Variants in PRX observed in about 807,000 individuals in gnomAD.
PRX encodes periaxin.
In PRX, 24 loss-of-function variants were observed where a neutral mutation model predicts 29.6. The observed-to-expected ratio is 0.81, with a 90% CI of 0.59 to 1.14. PRX has a LOEUF of 1.14. Among genes scored for constraint, PRX ranks in the 50% most tolerant of loss-of-function variants. The pLI is 0.00. For synonymous variants in PRX, 772 were observed against 831.7 expected (o/e 0.93, Z 1.24); for missense variants, 1,838 against 1,926.4 (o/e 0.95, Z 0.86).
Position 40,397,944 on chromosome 19 carries a change from C to A in PRX, c.408G>T (p.Lys136Asn). The change falls in exon 7 of 7, where the codon AAG becomes AAT. Residue 136 changes from lysine (K) to asparagine (N), a missense_variant. This residue lies in a region of PRX where 666 missense variants were observed against 665.0 expected (regional missense o/e 1.00). Transcript: ENST00000324001. ...GAGCCCCAGGCACCATCTTCTTCTT[C>A]TTCACAGGGGACAGACTCTGGATGT... ...KLNIQSLSPV[K>N]KKKMVPGALG... is the part of the protein sequence containing the mutation. The A allele has an allele frequency of 6.2e-7, 1 of 1,612,218 alleles. No homozygotes were observed. Among genetic ancestry groups the A allele is most frequent in the South Asian group, 1.1e-5 (1 of 90,636 alleles).
intron 4 of PRX, among the ~76,000 whole-genome samples, chr19:40,404,532 T>C (rs145046254): frequency 0.015 from 2,325 of 151,334 alleles, 126 homozygotes; most frequent in Admixed American, 0.11. Context: ...TGGCCAGAGT[T>C]TATGGGAGGT....
At position 40,394,014 on chromosome 19, in the gene PRX, C is replaced by G. The variant is rs1234580806; in HGVS notation, c.4338G>C (p.Gly1446=). 2 of 1,613,554 alleles carry G rather than the reference C, an allele frequency of 1.2e-6. No individual in the cohort carries two copies. The highest frequency in any genetic ancestry group is 1.7e-5 in the Admixed American group (1 of 59,974). ...CCTCCATCCTGGCCGGGCCTGGAGCCCCTGTCTCTGAAAACCCCACGCTGG... is the reference window on the plus strand; with the variant it reads ...CCTCCATCCTGGCCGGGCCTGGAGCGCCTGTCTCTGAAAACCCCACGCTGG... ...RLPSVGFSET[G]APGPARMEGA... is the part of the protein sequence containing the mutation. Residue 1446 remains glycine, a synonymous_variant, in exon 7 of 7, where the codon GGG becomes GGC. Transcript: ENST00000324001. The surrounding 1 kb of genome is among the most constrained non-coding windows in gnomAD (Gnocchi z 5.8).
chr19:40,412,968 C>A (rs915144189), intron 1 of PRX, among the ~76,000 whole-genome samples: 10 of 152,164 alleles, frequency 6.6e-5, no homozygotes, highest in African/African-American at 2.4e-4. Context: ...CTTAAGCAGT[C>A]CTGCCGCCTC....
chr19:40,398,641 C>A lies in PRX; in HGVS notation c.360G>T (p.Pro120=), dbSNP rs142003722. The A allele has an allele frequency of 3.1e-6, 5 of 1,613,274 alleles. No homozygotes were observed. In the African/African-American group the frequency reaches 6.7e-5, roughly 22 times the overall value. Residue 120 remains proline, a synonymous_variant, in exon 6 of 7, where the codon CCG becomes CCT. Coordinates refer to ENST00000324001, the MANE Select transcript of PRX (RefSeq NM_181882.3). This position sits in a 1 kb window ranked among gnomAD's most constrained non-coding sequence, Gnocchi z 6.3. ...GTACCAGCTTGGCCACCTTGGCCCG[C>A]GGGCCCTTGATCTCGTAGCCAGACA... ...GTVSGYEIKG[P]RAKVAKLNIQ... is the part of the protein sequence containing the mutation.
chr19:40,395,916 T>C lies in PRX; in HGVS notation c.2436A>G (p.Ala812=). 3 of 1,614,216 alleles carry C rather than the reference T, an allele frequency of 1.9e-6. No individual in the cohort carries two copies. Among genetic ancestry groups the C allele is most frequent in the Non-Finnish European group, 2.5e-6 (3 of 1,180,046 alleles). ...CTGGCTTGCCACGTGATGGGGACTC[T>C]GCCCTCCCTAGCTTGGGCATGGTCA... ...PKMTMPKLGR[A]ESPSRGKPGE... The change falls in exon 7 of 7, where the codon GCA becomes GCG. Residue 812 remains alanine (A), a synonymous_variant. Coordinates refer to ENST00000324001, the MANE Select transcript of PRX (RefSeq NM_181882.3).
chr19:40,411,409 A>AGTC (rs2079558190), intron 1 of PRX, among the ~76,000 whole-genome samples: 1 of 152,200 alleles, frequency 6.6e-6, no homozygotes, highest in African/African-American at 2.4e-5. Flanking sequence ...CTTACCCAGG[A>AGTC]CTGATACACA....
At position 40,397,085 on chromosome 19, in the gene PRX, G is replaced by C; in HGVS notation, c.1267C>G (p.Pro423Ala). ...CCTGACACTCCGATGCCAAGGGAGGGCATCTTGATGGTGGGCAGCTTCAGC... is the reference window on the plus strand; with the variant it reads ...CCTGACACTCCGATGCCAAGGGAGGCCATCTTGATGGTGGGCAGCTTCAGC... ...SKLKLPTIKM[P>A]SLGIGVSGPE... The change falls in exon 7 of 7, where the codon CCC (proline) becomes GCC (alanine). Residue 423 changes from proline (P) to alanine (A), a missense_variant. This residue lies in a region of PRX where 666 missense variants were observed against 665.0 expected (regional missense o/e 1.00). Transcript: ENST00000324001. 1 of 1,614,104 alleles carries C rather than the reference G, an allele frequency of 6.2e-7. No homozygotes were observed. The highest frequency in any genetic ancestry group is 1.1e-5 in the South Asian group (1 of 91,088).
At chr19:40,402,370 T>G (rs1389600403) in intron 5 of PRX, among the ~76,000 whole-genome samples, 4 of 151,106 alleles carry the variant, frequency 2.6e-5, no homozygotes, top group Non-Finnish European at 5.9e-5. Context: ...AATAAATAAA[T>G]AAAATAAAAT....
rs76088917 is a variant in PRX, at chr19:40,394,308, C to G, written c.4044G>C (p.Gly1348=). 1,796 of 1,610,896 alleles carry G rather than the reference C, an allele frequency of 1.1e-3. 15 individuals carry two copies. In the African/African-American group the frequency reaches 0.02, roughly 18 times the overall value. Reference sequence around the variant, plus strand: ...CCTCCTCCTCCTCGGGGCTGGGGGACCCTTCCCCAGTGACCATCTCACTTT... The same window carrying G: ...CCTCCTCCTCCTCGGGGCTGGGGGAGCCTTCCCCAGTGACCATCTCACTTT... ...FSQSEMVTGE[G]SPSPEEEEEE... The change falls in exon 7 of 7, where the codon GGG becomes GGC. Residue 1348 remains glycine (G), a synonymous_variant. Coordinates refer to ENST00000324001, the MANE Select transcript of PRX (RefSeq NM_181882.3). This position sits in a 1 kb window ranked among gnomAD's most constrained non-coding sequence, Gnocchi z 5.8.
rs1277894254 is a variant in PRX at position 40,395,003 on chromosome 19, C to T, written c.3349G>A (p.Ala1117Thr). ...CCTGACAGCTGCATTCCACTGACGG[C>T]CACAGCCCCCTCTGCCCTCCCTTCC... is the stretch of plus-strand genomic sequence containing the variant. ...QEEGRAEGAV[A>T]VSGMQLSGLK... The change falls in exon 7 of 7, where the codon GCC becomes ACC. Residue 1117 changes from alanine (A) to threonine (T), a missense_variant. Ala to Thr is a moderately conservative substitution (Grantham distance 58). This residue lies in a region of PRX where 1,143 missense variants were observed against 1,193.0 expected (regional missense o/e 0.96). Transcript: ENST00000324001. 1.2e-6 allele frequency: 2 copies of T among 1,609,462 alleles called. No individual in the cohort carries two copies. The highest frequency in any genetic ancestry group is 1.7e-6 in the Non-Finnish European group (2 of 1,179,908).
In PRX at chr19:40,403,628, G is replaced by T. The variant is rs1249081329; in HGVS notation, c.184+78C>A. ...CGCCCCCATCCCCCGGTCAGTTTCA[G>T]CCTCTCTTTGGACCCAAGGCAGATT... On this transcript the variant is annotated intron_variant, in intron 5 of 6. Transcript: ENST00000324001. 4 of 1,464,574 alleles carry T rather than the reference G, an allele frequency of 2.7e-6. No homozygotes were observed. The East Asian group carries it at 7.5e-5, about 27-fold the overall frequency. 90.7% of individuals were successfully genotyped at this position (1,464,574 alleles called of 1,614,324 possible). A position where few individuals can be genotyped will look rare whatever the true frequency, so the allele number is the denominator to read the frequency against.
chr19:40,399,851 CT>C (rs1309452024), intron 5 of PRX, among the ~76,000 whole-genome samples: 6 of 12,706 alleles, frequency 4.7e-4, no homozygotes, highest in Admixed American at 3.9e-3. Context: ...GCTTTCTTTC[CT>C]TTCTTTCTTT....
chr19:40,394,584 C>A lies in PRX; in HGVS notation c.3768G>T (p.Val1256=), dbSNP rs367862999. The A allele has an allele frequency of 1.1e-4, 181 of 1,608,788 alleles. No individual in the cohort carries two copies. The highest frequency in any genetic ancestry group is 1.5e-4 in the Non-Finnish European group (178 of 1,178,948). ...KLPTLGARAR[V]GGEGAEEQPP... The stretch of plus-strand genomic sequence containing the variant: ...GCTGCTCCTCAGCACCCTCGCCCCC[C>A]ACCCTAGCTCTGGCCCCCAGTGTGG... Residue 1256 remains valine, a synonymous_variant, in exon 7 of 7, where the codon GTG becomes GTT. Transcript: ENST00000324001. The surrounding 1 kb of genome is among the most constrained non-coding windows in gnomAD (Gnocchi z 5.8).
chr19:40,403,554 G>T, intron 5 of PRX, 152 bp downstream of exon 5: 1 of 952,646 alleles, frequency 1.0e-6, no homozygotes, highest in Non-Finnish European at 1.5e-6. Context: ...GCTGTGAACA[G>T]TCAGCAAAGC....
chr19:40,409,902 C>T (rs1282749626), intron 1 of PRX, among the ~76,000 whole-genome samples: 2 of 152,158 alleles, frequency 1.3e-5, no homozygotes, highest in South Asian at 2.1e-4. Flanking sequence ...AGAGGAGACA[C>T]CTGAGGCTGG....
rs768074719 is a variant in PRX, at chr19:40,397,055, C to T, written c.1297G>A (p.Glu433Lys). Residue 433 changes from glutamate (E) to lysine (K), a missense_variant, in exon 7 of 7, where the codon GAG becomes AAG. This residue lies in a region of PRX where 666 missense variants were observed against 665.0 expected (regional missense o/e 1.00). Transcript: ENST00000324001. The part of the protein sequence containing the change: ...PSLGIGVSGP[E>K]VKVPKGPEVK... Reference sequence around the variant, plus strand: ...TCAGGTCCCTTGGGCACCTTGACCTCGGGCCCTGACACTCCGATGCCAAGG... The same window carrying T: ...TCAGGTCCCTTGGGCACCTTGACCTTGGGCCCTGACACTCCGATGCCAAGG... 23 of 1,614,084 alleles carry T rather than the reference C, an allele frequency of 1.4e-5. No homozygotes were observed. The highest frequency in any genetic ancestry group is 2.2e-5 in the East Asian group (1 of 44,882).
At chr19:40,402,922 C>A (rs954029374) in intron 5 of PRX, among the ~76,000 whole-genome samples, 2 of 152,178 alleles carry the variant, frequency 1.3e-5, no homozygotes, top group Admixed American at 1.3e-4. Flanking sequence ...GTAATCCCAG[C>A]ACTTTGGGAG....
rs1214910122 is a variant in PRX, at chr19:40,396,227, C to T, written c.2125G>A (p.Val709Met). The change falls in exon 7 of 7, where the codon GTG becomes ATG. Residue 709 changes from valine to methionine, a missense_variant. Val to Met is a conservative substitution (Grantham distance 21). This residue lies in a region of PRX where 1,143 missense variants were observed against 1,193.0 expected (regional missense o/e 0.96). Coordinates refer to ENST00000324001, the MANE Select transcript of PRX (RefSeq NM_181882.3). ...MAVPDVHLPE[V>M]QLPKVCEMKV... is the part of the protein sequence containing the mutation. ...ATTTCACAGACTTTGGGCAGCTGCA[C>T]CTCTGGGAGGTGCACATCGGGCACG... 1.2e-6 allele frequency: 2 copies of T among 1,612,930 alleles called. No individual in the cohort carries two copies. Among genetic ancestry groups the T allele is most frequent in the Non-Finnish European group, 1.7e-6 (2 of 1,179,846 alleles).
Position 40,397,496 on chromosome 19 carries a change from G to A in PRX, c.856C>T (p.Pro286Ser). 1 of 1,558,588 alleles carries A rather than the reference G, an allele frequency of 6.4e-7. No individual in the cohort carries two copies. Among genetic ancestry groups the A allele is most frequent in the Non-Finnish European group, 8.7e-7 (1 of 1,153,792 alleles). Residue 286 changes from proline (P) to serine (S), a missense_variant, in exon 7 of 7, where the codon CCA becomes TCA. Coordinates refer to ENST00000324001, the MANE Select transcript of PRX (RefSeq NM_181882.3). ...TGGGGGACCTGGATTCCCACGGCTG[G>A]GGCCTCCACAGCAGGCGGAGCCGGG... ...GAPAPPAVEA[P>S]AVGIQVPQVE... is the part of the protein sequence containing the mutation.
Sources: gnomAD v4.1 joint callset for allele counts (sites outside exome capture counted in the v4.1 genomes callset) on GRCh38, gnomAD v4.1.1 for gene constraint, gnomAD v4.1.1 regional missense constraint, Gnocchi (gnomAD v3.1) non-coding constraint, MANE v1.5 for transcripts, NCBI Gene and HGNC (gene_info 2026-07-23, HGNC 2026-07-21) for gene names.